The following DIS3L2 variants were observed in gnomAD, a reference collection of about 807,000 sequenced individuals.
The protein encoded by DIS3L2 is DIS3 like 3'-5' exoribonuclease 2.
In DIS3L2, 34 loss-of-function variants were observed where a neutral mutation model predicts 97.5. The ratio of observed to expected loss-of-function variants is 0.35; its 90% CI spans 0.27 to 0.46. DIS3L2 has a LOEUF of 0.46. Among genes scored for constraint, DIS3L2 ranks in the 20% least tolerant of loss-of-function variants. DIS3L2 has a pLI of 1.00. For missense variants in DIS3L2, 1,038 were observed against 1,146.0 expected, an observed-to-expected ratio of 0.91 and a Z score of 1.36; for synonymous variants, 435 against 445.2, an observed-to-expected ratio of 0.98 and a Z score of 0.29.
chr2:231,995,260 A>G lies in DIS3L2; in HGVS notation c.-93-19575A>G, dbSNP rs889717548. 2.0e-5 allele frequency among the ~76,000 whole-genome samples: 3 copies of G among 152,248 alleles called. No homozygotes were observed. In the South Asian group the frequency reaches 6.2e-4, roughly 32 times the overall value. On this transcript the variant is annotated intron_variant, in intron 1 of 20. Coordinates refer to ENST00000325385, the MANE Select transcript of DIS3L2 (RefSeq NM_152383.5). Reference sequence around the variant, plus strand: ...GCTTTTGACTGTAGGCATATTCTGAAGCAAATAGTTCTGAGAGGAGTTTTT... The same window carrying G: ...GCTTTTGACTGTAGGCATATTCTGAGGCAAATAGTTCTGAGAGGAGTTTTT...
Position 232,163,659 on chromosome 2 carries a change from G to A in DIS3L2, c.1124+27G>A, listed in dbSNP as rs565540113. ...TAAGCACCTGAAACCCTTTAAGAAC[G>A]TATATCTCCCTTTCTGCCTTAACTT... is the stretch of plus-strand genomic sequence containing the variant. On this transcript the variant is annotated intron_variant, in intron 9 of 20. Coordinates refer to ENST00000325385, the MANE Select transcript of DIS3L2 (RefSeq NM_152383.5). 937 of 1,603,170 alleles carry A rather than the reference G, an allele frequency of 5.8e-4. 4 individuals are homozygous for A. Among genetic ancestry groups the A allele is most frequent in the Non-Finnish European group, 1.9e-4 (220 of 1,175,890 alleles).
chr2:232,157,289 G>C (rs989458777), intron 8 of DIS3L2, among the ~76,000 whole-genome samples: 1 of 152,108 alleles, frequency 6.6e-6, no homozygotes, highest in African/African-American at 2.4e-5. Context: ...ATATTGAAAG[G>C]CCTGACTCCT....
At chr2:232,202,613 G>T (rs1011574699) in intron 9 of DIS3L2, among the ~76,000 whole-genome samples, 1 of 152,232 alleles carries the variant, frequency 6.6e-6, no homozygotes, top group African/African-American at 2.4e-5. Context: ...AGGACCCGAG[G>T]TTAGAAACAC....
At chr2:232,243,295 T>C (rs1693156664) in intron 11 of DIS3L2, among the ~76,000 whole-genome samples, 1 of 151,980 alleles carries the variant, frequency 6.6e-6, no homozygotes, top group African/African-American at 2.4e-5. Flanking sequence ...TTGGAATTCT[T>C]GGGGTGTGAG....
chr2:232,271,050 A>T (rs750279499), intron 13 of DIS3L2, among the ~76,000 whole-genome samples: 1 of 152,184 alleles, frequency 6.6e-6, no homozygotes, highest in African/African-American at 2.4e-5. Context: ...AAAGAGCTCA[A>T]TGTGTCACAG....
chr2:232,124,338 C>A (rs981147861), intron 6 of DIS3L2, among the ~76,000 whole-genome samples: 22 of 152,072 alleles, frequency 1.4e-4, no homozygotes, highest in African/African-American at 5.1e-4. Flanking sequence ...TATGACATAG[C>A]AAATTGGAAA....
chr2:232,053,329 G>A (rs1695458323), intron 5 of DIS3L2, among the ~76,000 whole-genome samples: 2 of 152,144 alleles, frequency 1.3e-5, no homozygotes, highest in African/African-American at 2.4e-5. Context: ...TAAAATAAAA[G>A]CAAGGAGAAT....
chr2:232,061,565 A>C (rs1422896779), intron 5 of DIS3L2, among the ~76,000 whole-genome samples: 3 of 152,048 alleles, frequency 2.0e-5, no homozygotes, highest in East Asian at 3.8e-4. Context: ...TTTTCTTCTT[A>C]TTGTCTACTT....
At chr2:232,057,095 A>G (rs1695566414) in intron 5 of DIS3L2, among the ~76,000 whole-genome samples, 1 of 152,220 alleles carries the variant, frequency 6.6e-6, no homozygotes, top group Non-Finnish European at 1.5e-5. Flanking sequence ...TGGATCAACT[A>G]CAGCAATGTG....
At chr2:232,104,577 C>A (rs888583102) in intron 6 of DIS3L2, among the ~76,000 whole-genome samples, 2 of 152,190 alleles carry the variant, frequency 1.3e-5, no homozygotes, top group African/African-American at 4.8e-5. Context: ...ATCCACTCCT[C>A]ATTTCTCCCC....
At chr2:232,284,703 G>A (rs918204903) in intron 13 of DIS3L2, among the ~76,000 whole-genome samples, 43 of 152,126 alleles carry the variant, frequency 2.8e-4, no homozygotes, top group Non-Finnish European at 5.3e-4. Flanking sequence ...CCATCACCTG[G>A]AATCTCTCCT....
chr2:232,264,628 G>A (rs1693807938), intron 13 of DIS3L2, among the ~76,000 whole-genome samples: 1 of 152,194 alleles, frequency 6.6e-6, no homozygotes, highest in Non-Finnish European at 1.5e-5. Context: ...GTGGGTAGGA[G>A]CGTGGAACTG....
In DIS3L2 at chr2:232,276,239, T is replaced by G. The variant is rs137960399; in HGVS notation, c.1659+12799T>G. ...TTTGAACAGAGAGCTGTGACTGAGC[T>G]CTGAGAATGCTGGCTTGGCCATTAG... On this transcript the variant is annotated intron_variant, in intron 13 of 20. Coordinates refer to ENST00000325385, the MANE Select transcript of DIS3L2 (RefSeq NM_152383.5). This position sits in a 1 kb window ranked among gnomAD's most constrained non-coding sequence, Gnocchi z 4.4. Among the ~76,000 whole-genome samples the G allele has an allele frequency of 8.4e-3, 1,286 of 152,354 alleles. 22 individuals carry two copies. The highest frequency in any genetic ancestry group is 0.048 in the Admixed American group (739 of 15,302).
At chr2:232,035,799 C>G (rs1451922283) in intron 5 of DIS3L2, among the ~76,000 whole-genome samples, 5 of 152,150 alleles carry the variant, frequency 3.3e-5, no homozygotes, top group African/African-American at 1.2e-4. Flanking sequence ...GTTGAAAATT[C>G]TTTTCTTTAA....
At chr2:231,981,229 C>T (rs1693247572) in intron 1 of DIS3L2, among the ~76,000 whole-genome samples, 1 of 152,074 alleles carries the variant, frequency 6.6e-6, no homozygotes, top group South Asian at 2.1e-4. Flanking sequence ...TAGGCGTGAA[C>T]CACTGTGGCC....
At chr2:232,088,577 T>G (rs1181648434) in intron 6 of DIS3L2, among the ~76,000 whole-genome samples, 2 of 150,406 alleles carry the variant, frequency 1.3e-5, no homozygotes, top group Non-Finnish European at 3.0e-5. Flanking sequence ...AAAAAAAAAG[T>G]TTTTTTTGTC....
chr2:232,036,220 T>C (rs1694944913), intron 5 of DIS3L2, among the ~76,000 whole-genome samples: 1 of 152,212 alleles, frequency 6.6e-6, no homozygotes, highest in Non-Finnish European at 1.5e-5. Context: ...TTAGTTCCTT[T>C]TCATTCTTTT....
chr2:232,198,057 G>A (rs1217474318), intron 9 of DIS3L2, among the ~76,000 whole-genome samples: 1 of 151,806 alleles, frequency 6.6e-6, no homozygotes, highest in African/African-American at 2.4e-5. Flanking sequence ...TAATTGACTT[G>A]TTTGGTGAAT....
At chr2:232,317,882 G>T (rs73092138) in intron 14 of DIS3L2, among the ~76,000 whole-genome samples, 17,372 of 152,258 alleles carry the variant, frequency 0.11, 1,465 homozygotes, top group African/African-American at 0.24. Context: ...TGTTAAATAA[G>T]ATAACAAAGT....
Sources: gnomAD v4.1 joint callset for allele counts (sites outside exome capture counted in the v4.1 genomes callset) on GRCh38, gnomAD v4.1.1 for gene constraint, Gnocchi (gnomAD v3.1) non-coding constraint, MANE v1.5 for transcripts, NCBI Gene and HGNC (gene_info 2026-07-23, HGNC 2026-07-21) for gene names.